DRG2: variants seen among roughly 807,000 people sequenced by gnomAD.
DRG2 encodes the protein developmentally regulated GTP binding protein 2.
DRG2 carries 36 observed loss-of-function variants against 53.4 expected under a neutral mutation model. The observed-to-expected ratio is 0.67, with a 90% CI of 0.52 to 0.89. DRG2 has a LOEUF of 0.89. DRG2 is among the 40% of genes least tolerant of loss of function. The probability of loss-of-function intolerance (pLI) is 0.00; values close to 1 mark genes in which losing one functional copy is unlikely to be tolerated. For missense variants in DRG2, 342 were observed against 481.2 expected (o/e 0.71, Z 2.71); for synonymous variants, 167 against 192.1 (o/e 0.87, Z 1.08).
chr17:18,097,097 G>A (rs973000357), intron 2 of DRG2: 1 of 152,162 alleles, frequency 6.6e-6, no homozygotes, highest in African/African-American at 2.4e-5. Context: ...CCCACCGTGG[G>A]AGGGCCCAGG....
chr17:18,105,462 C>T (rs2045612904), intron 11 of DRG2: 1 of 152,326 alleles, frequency 6.6e-6, no homozygotes, highest in Admixed American at 6.5e-5. Context: ...TCCGCAAGCC[C>T]AGCCCCAGGT....
In DRG2 at chr17:18,098,493, C is replaced by A; in HGVS notation, c.315+134C>A. On this transcript the variant is annotated intron_variant, in intron 3 of 12. Coordinates refer to ENST00000225729, the MANE Select transcript of DRG2 (RefSeq NM_001388.5). The surrounding 1 kb of genome is among the most constrained non-coding windows in gnomAD (Gnocchi z 4.1). ...CAGGCTCTGGACTGAGCTGCTTTGCCCTCCAGCACTGACACTTCTGGGGAT... is the reference window on the plus strand; with the variant it reads ...CAGGCTCTGGACTGAGCTGCTTTGCACTCCAGCACTGACACTTCTGGGGAT... 1.3e-6 allele frequency: 1 copy of A among 765,796 alleles called. No homozygotes were observed. Among genetic ancestry groups the A allele is most frequent in the East Asian group, 2.7e-5 (1 of 37,316 alleles). 47.4% of individuals were successfully genotyped at this position (765,796 alleles called of 1,614,324 possible). A position where few individuals can be genotyped will look rare whatever the true frequency, so the allele number is the denominator to read the frequency against.
Position 18,101,573 on chromosome 17 carries a change from T to C in DRG2, c.712T>C (p.Tyr238His). 1.2e-6 allele frequency: 2 copies of C among 1,614,168 alleles called. No individual in the cohort carries two copies. Among genetic ancestry groups the C allele is most frequent in the Non-Finnish European group, 1.7e-6 (2 of 1,180,046 alleles). The part of the protein sequence containing the change: ...FIDVIVGNRV[Y>H]MPCLYVYNKI... The stretch of plus-strand genomic sequence containing the variant: ...CGATGTGATCGTGGGCAACCGGGTG[T>C]ACATGCCCTGCCTGTATGTAAGTGC... The change falls in exon 8 of 13, where the codon TAC (tyrosine) becomes CAC (histidine). Residue 238 changes from tyrosine to histidine, a missense_variant. By Grantham distance (83) the Tyr-to-His change is moderately conservative (BLOSUM62 2). Transcript: ENST00000225729.
At chr17:18,089,463 G>C (rs753277186) in intron 1 of DRG2, among the ~76,000 whole-genome samples, 1 of 152,196 alleles carries the variant, frequency 6.6e-6, no homozygotes, top group East Asian at 1.9e-4. Context: ...CCTTTACTAT[G>C]TGCTAGGCAC....
At chr17:18,088,825 G>A (rs974166333) in intron 1 of DRG2, among the ~76,000 whole-genome samples, 2 of 152,186 alleles carry the variant, frequency 1.3e-5, no homozygotes, top group Non-Finnish European at 2.9e-5. Context: ...AGGAGAGAAC[G>A]ATGACACCAG....
At chr17:18,106,230 G>T (rs571848617) in intron 11 of DRG2, 2 of 602,014 alleles carry the variant, frequency 3.3e-6, no homozygotes, top group East Asian at 5.6e-5. Context: ...GAGTGGGAAT[G>T]GCAGGGCCAC....
chr17:18,106,437 A>G lies in DRG2; in HGVS notation c.959A>G (p.His320Arg). ...TGACTCTCTCCTGTCCTCCAGTGCC[A>G]CCGCATCCACCGGTCACTCGCCAGC... ...RKGASVEHVC[H>R]RIHRSLASQF... The change falls in exon 12 of 13, where the codon CAC becomes CGC. Residue 320 changes from histidine to arginine, a missense_variant. Transcript: ENST00000225729. The G allele has an allele frequency of 6.2e-7, 1 of 1,613,932 alleles. No individual in the cohort carries two copies. The highest frequency in any genetic ancestry group is 8.5e-7 in the Non-Finnish European group (1 of 1,179,926).
chr17:18,100,553 C>G lies in DRG2; in HGVS notation c.541-16C>G. The G allele has an allele frequency of 6.2e-7, 1 of 1,614,174 alleles. No homozygotes were observed. Among genetic ancestry groups the G allele is most frequent in the Non-Finnish European group, 8.5e-7 (1 of 1,179,982 alleles). On this transcript the variant is annotated splice_polypyrimidine_tract_variant and intron_variant, in intron 6 of 12. Coordinates refer to ENST00000225729, the MANE Select transcript of DRG2 (RefSeq NM_001388.5). The surrounding 1 kb of genome is among the most constrained non-coding windows in gnomAD (Gnocchi z 4.1). ...CCTCGGTCAGCAGTTCTCCCCATCC[C>G]TTTCTCCTCTTTCAGCCCAAGAAAG...
At chr17:18,093,610 G>T (rs187314740) in intron 1 of DRG2, among the ~76,000 whole-genome samples, 49 of 152,250 alleles carry the variant, frequency 3.2e-4, no homozygotes, top group Non-Finnish European at 5.4e-4. Flanking sequence ...CAGCCACTGC[G>T]CCCGGTCTAA....
intron 9 of DRG2, 150 bp downstream of exon 9, chr17:18,102,147 C>T (rs1227792363): frequency 3.7e-6 from 3 of 805,256 alleles, no homozygotes; most frequent in East Asian, 2.7e-5. Context: ...GGACTTCCTG[C>T]CCAGGGCAGA....
chr17:18,101,882 TC>T (rs1260301535), intron 8 of DRG2, 38 bp from the exon 9 acceptor site: 1 of 1,589,130 alleles, frequency 6.3e-7, no homozygotes, highest in Non-Finnish European at 8.6e-7. Flanking sequence ...GATGCCTTGC[TC>T]CTGTCCTCAG....
intron 12 of DRG2, 94 bp downstream of exon 12, chr17:18,106,580 T>C (rs1171839966): frequency 2.2e-6 from 3 of 1,352,810 alleles, no homozygotes. Flanking sequence ...CTGCGTGGTG[T>C]TCCTGTCCTT....
chr17:18,104,969 C>G (rs1422309699), intron 11 of DRG2, among the ~76,000 whole-genome samples: 2 of 152,208 alleles, frequency 1.3e-5, no homozygotes, highest in Non-Finnish European at 2.9e-5. Context: ...AGCATGCTGC[C>G]TGGCTTTGCA....
intron 1 of DRG2, among the ~76,000 whole-genome samples, chr17:18,089,428 CCG>C: frequency 6.6e-6 from 1 of 152,328 alleles, no homozygotes; most frequent in African/African-American, 2.4e-5. Context: ...GCATGAGCCA[CCG>C]TGCCTGGCCG....
chr17:18,099,251 C>G lies in DRG2; in HGVS notation c.376+174C>G. 1 of 783,562 alleles carries G rather than the reference C, an allele frequency of 1.3e-6. No individual in the cohort carries two copies. Among genetic ancestry groups the G allele is most frequent in the Non-Finnish European group, 2.0e-6 (1 of 494,456 alleles). The allele number at this position is 783,562 out of a possible 1,614,324, so 48.5% of individuals were successfully genotyped here. A position where few individuals can be genotyped will look rare whatever the true frequency, so the allele number is the denominator to read the frequency against. On this transcript the variant is annotated intron_variant, in intron 4 of 12. Transcript: ENST00000225729. This position sits in a 1 kb window ranked among gnomAD's most constrained non-coding sequence, Gnocchi z 4.4. The stretch of plus-strand genomic sequence containing the variant: ...ACCAAACTAGCCTTGTGATCTTGGG[C>G]AAGTGATTGGGTATCTCTAAGCCAA...
In DRG2 at chr17:18,098,399, T is replaced by C. The variant is rs2045470414; in HGVS notation, c.315+40T>C. 6.3e-7 allele frequency: 1 copy of C among 1,576,678 alleles called. No individual in the cohort carries two copies. Among genetic ancestry groups the C allele is most frequent in the Non-Finnish European group, 8.7e-7 (1 of 1,146,790 alleles). ...TGGGCCCAGAAGGAGAAGGGGCGCA[T>C]GCTTGTGTTTGGACTTGTGCCTGTG... On this transcript the variant is annotated intron_variant, in intron 3 of 12. Transcript: ENST00000225729. This position sits in a 1 kb window ranked among gnomAD's most constrained non-coding sequence, Gnocchi z 4.1.
At position 18,099,398 on chromosome 17, in the gene DRG2, G is replaced by A. The variant is rs916286573; in HGVS notation, c.377-235G>A. The A allele has an allele frequency of 6.5e-6, 4 of 618,050 alleles. No homozygotes were observed. The highest frequency in any genetic ancestry group is 1.8e-5 in the African/African-American group (1 of 54,458). 38.3% of individuals were successfully genotyped at this position (618,050 alleles called of 1,614,324 possible). On this transcript the variant is annotated intron_variant, in intron 4 of 12. Transcript: ENST00000225729. This position sits in a 1 kb window ranked among gnomAD's most constrained non-coding sequence, Gnocchi z 4.4. ...CTGGGCCCTGCCACATGGTAGGGGT[G>A]GGCGTAGGACAGCCGTTATTATCCT...
At chr17:18,106,685 TG>T (rs1404441218) in intron 12 of DRG2, among the ~76,000 whole-genome samples, 199 bp downstream of exon 12, 14 of 119,378 alleles carry the variant, frequency 1.2e-4, no homozygotes, top group East Asian at 4.9e-4. Context: ...TTTTTTTTTC[TG>T]GTTTTTTTTT....
At chr17:18,104,128 C>A (rs1180809685) in intron 10 of DRG2, among the ~76,000 whole-genome samples, 1 of 152,326 alleles carries the variant, frequency 6.6e-6, no homozygotes, top group South Asian at 2.1e-4. Flanking sequence ...GACCTCCCCT[C>A]ACAGTGACAG....
Sources: gnomAD v4.1 joint callset for allele counts (sites outside exome capture counted in the v4.1 genomes callset) on GRCh38, gnomAD v4.1.1 for gene constraint, Gnocchi (gnomAD v3.1) non-coding constraint, MANE v1.5 for transcripts, NCBI Gene and HGNC (gene_info 2026-07-23, HGNC 2026-07-21) for gene names.